Variants in TENM2 observed in about 807,000 individuals in gnomAD.
The protein encoded by TENM2 is teneurin transmembrane protein 2.
In TENM2, 52 loss-of-function variants were observed where a neutral mutation model predicts 245.2. That is an observed-to-expected ratio of 0.21 (90% CI 0.17 to 0.27). The LOEUF (loss-of-function observed/expected upper bound fraction) is 0.27. Among genes scored for constraint, TENM2 ranks in the 10% least tolerant of loss-of-function variants. The pLI is 1.00. For missense variants in TENM2, 3,046 were observed against 3,666.8 expected (o/e 0.83, Z 4.37); for synonymous variants, 1,363 against 1,438.9 (o/e 0.95, Z 1.19).
chr5:167,303,814 G>A (rs926039410), intron 1 of TENM2, among the ~76,000 whole-genome samples: 10 of 152,150 alleles, frequency 6.6e-5, no homozygotes, highest in Non-Finnish European at 1.0e-4. Flanking sequence ...TCAACTATGC[G>A]TCATGGTGGG....
At chr5:167,114,458 C>A in the TENM2 span, among the ~76,000 whole-genome samples, 1 of 152,262 alleles carries the variant, frequency 6.6e-6, no homozygotes, top group East Asian at 1.9e-4. Flanking sequence ...CTTGTATTAT[C>A]AGGAAAATAA....
Position 168,090,826 on chromosome 5 carries a change from G to A in TENM2, c.1711+57G>A, listed in dbSNP as rs1220190941. The A allele has an allele frequency of 8.1e-6, 12 of 1,480,012 alleles. No homozygotes were observed. The Admixed American group carries it at 1.4e-4, about 17-fold the overall frequency. 91.7% of individuals were successfully genotyped at this position (1,480,012 alleles called of 1,614,324 possible). A position where few individuals can be genotyped will look rare whatever the true frequency, so the allele number is the denominator to read the frequency against. On this transcript the variant is annotated intron_variant, in intron 8 of 28. Transcript: ENST00000518659. ...TGAAGGGAAGATGGAAATGTTCTGGGCTTCTCTGCAGAAGACACATCTTCT... is the reference window on the plus strand; with the variant it reads ...TGAAGGGAAGATGGAAATGTTCTGGACTTCTCTGCAGAAGACACATCTTCT...
intron 7 of TENM2, among the ~76,000 whole-genome samples, chr5:168,078,222 T>A (rs1791656255): frequency 6.6e-6 from 1 of 152,232 alleles, no homozygotes; most frequent in African/African-American, 2.4e-5. Flanking sequence ...TGCATAAATG[T>A]CTTCTTTTGA....
chr5:168,099,130 GAACTCCTGACCTCA>G (rs1457370148), intron 9 of TENM2, among the ~76,000 whole-genome samples: 3 of 151,784 alleles, frequency 2.0e-5, no homozygotes, highest in African/African-American at 7.3e-5. Context: ...GGCTGGTCTC[GAACTCCTGACCTCA>G]AGTCATCCGC....
At chr5:167,017,015 A>G in the TENM2 span, among the ~76,000 whole-genome samples, 4 of 152,328 alleles carry the variant, frequency 2.6e-5, no homozygotes, top group Admixed American at 6.5e-5. Context: ...GAAGGGAATT[A>G]CTATAACTTT....
rs1437587032 is a variant in TENM2 at position 167,776,593 on chromosome 5, G to GGAAAAAAAAAAAAAAAAA, written c.503-99393_503-99392insGAAAAAAAAAAAAAAAAA. On this transcript the variant is annotated intron_variant, in intron 2 of 28. Transcript: ENST00000518659. ...TTGGGCAGCAGATGAGACCCTGTCT[G>GGAAAAAAAAAAAAAAAAA]AAAAAAAAAAAAAAAAAAAAAAAAA... Among the ~76,000 whole-genome samples the GGAAAAAAAAAAAAAAAAA allele has an allele frequency of 1.1e-4, 4 of 36,026 alleles. 1 individual carries two copies. The highest frequency in any genetic ancestry group is 3.5e-4 in the African/African-American group (4 of 11,440). The allele number at this position is 36,026 out of a possible 152,430, so 23.6% of individuals were successfully genotyped here. A position where few individuals can be genotyped will look rare whatever the true frequency, so the allele number is the denominator to read the frequency against.
chr5:167,116,267 C>G, the TENM2 span: 1 of 152,210 alleles, frequency 6.6e-6, no homozygotes, highest in Admixed American at 6.5e-5. Flanking sequence ...GATTAAGGAG[C>G]AAGTCTCAGA....
chr5:167,646,232 T>G (rs1441852754), intron 2 of TENM2, among the ~76,000 whole-genome samples: 3 of 139,022 alleles, frequency 2.2e-5, no homozygotes. Flanking sequence ...TATATATATG[T>G]TGTTTTCTTA....
At chr5:168,008,575 G>A (rs1290485150) in intron 5 of TENM2, among the ~76,000 whole-genome samples, 5 of 152,188 alleles carry the variant, frequency 3.3e-5, no homozygotes, top group African/African-American at 1.2e-4. Flanking sequence ...ATCAGTGGGT[G>A]TGTGTTGGTG....
At chr5:167,788,265 C>A (rs1764716921) in intron 2 of TENM2, among the ~76,000 whole-genome samples, 1 of 152,182 alleles carries the variant, frequency 6.6e-6, no homozygotes, top group Non-Finnish European at 1.5e-5. Flanking sequence ...TAATTGAAAG[C>A]ATATGATACA....
intron 3 of TENM2, among the ~76,000 whole-genome samples, chr5:167,947,768 C>T (rs1275546362): frequency 6.6e-6 from 1 of 152,198 alleles, no homozygotes; most frequent in Admixed American, 6.5e-5. Flanking sequence ...AATTTGTCAT[C>T]TGAGGGTCTG....
chr5:167,079,283 ACACG>A, the TENM2 span, among the ~76,000 whole-genome samples: 2 of 148,942 alleles, frequency 1.3e-5, no homozygotes, highest in Admixed American at 6.7e-5. Flanking sequence ...ACACACACAC[ACACG>A]CATATTATAT....
At chr5:168,225,440 T>C (rs1764076340) in intron 23 of TENM2, among the ~76,000 whole-genome samples, 1 of 152,170 alleles carries the variant, frequency 6.6e-6, no homozygotes, top group African/African-American at 2.4e-5. Flanking sequence ...AATATTGATT[T>C]GATGGCTTTG....
intron 12 of TENM2, among the ~76,000 whole-genome samples, chr5:168,151,217 G>A (rs979801398): frequency 1.1e-4 from 17 of 152,236 alleles, no homozygotes; most frequent in South Asian, 2.1e-4. Flanking sequence ...ACAACTTGTC[G>A]CATGCATTAT....
intron 2 of TENM2, among the ~76,000 whole-genome samples, chr5:167,590,737 G>T (rs558636525): frequency 6.6e-6 from 1 of 151,732 alleles, no homozygotes; most frequent in East Asian, 1.9e-4. Context: ...TCTCATTTTT[G>T]TTTCTTTGCT....
At chr5:167,855,649 A>T in intron 2 of TENM2, among the ~76,000 whole-genome samples, 1 of 118,026 alleles carries the variant, frequency 8.5e-6, no homozygotes, top group Admixed American at 1.1e-4. Flanking sequence ...AAAATATGGA[A>T]GGAGGAAGGA....
chr5:167,730,089 C>T (rs564221907), intron 2 of TENM2, among the ~76,000 whole-genome samples: 11 of 152,126 alleles, frequency 7.2e-5, no homozygotes, highest in Non-Finnish European at 1.2e-4. Flanking sequence ...ATGCTTGCCA[C>T]GAAACCATCT....
intron 15 of TENM2, 71 bp from the exon 18 acceptor site, chr5:168,198,779 GGGA>G (rs1761683441): frequency 1.3e-6 from 2 of 1,548,352 alleles, no homozygotes; most frequent in African/African-American, 1.4e-5. Flanking sequence ...TGGCCATCAG[GGGA>G]GGAGGAGAGG....
At chr5:167,709,348 A>G (rs190490425) in intron 2 of TENM2, among the ~76,000 whole-genome samples, 39 of 152,232 alleles carry the variant, frequency 2.6e-4, no homozygotes, top group African/African-American at 8.7e-4. Flanking sequence ...AATTTTTTGT[A>G]TCTATCTTAT....
Sources: allele counts gnomAD v4.1 joint callset (sites outside exome capture counted in the v4.1 genomes callset), GRCh38; gene constraint gnomAD v4.1.1; transcripts MANE v1.5; gene names NCBI Gene and HGNC (gene_info 2026-07-23, HGNC 2026-07-21).